JAZF1: variants seen among roughly 807,000 people sequenced by gnomAD.
JAZF1 encodes the protein juxtaposed with another zinc finger protein 1.
JAZF1 carries 8 observed loss-of-function variants against 26.4 expected under a neutral mutation model. The ratio of observed to expected loss-of-function variants is 0.30; its 90% CI spans 0.18 to 0.55. The LOEUF (loss-of-function observed/expected upper bound fraction) is 0.55, where lower values mean the gene tolerates loss of function less well. Ranked by LOEUF, JAZF1 falls within the 20% of genes least tolerant of loss-of-function variation. JAZF1 has a pLI of 0.94. For synonymous variants in JAZF1, 126 were observed against 122.3 expected (o/e 1.03, Z -0.20); for missense variants, 199 against 322.0 (o/e 0.62, Z 2.92).
At chr7:27,890,854 A>G (rs553356598) in intron 3 of JAZF1, among the ~76,000 whole-genome samples, 6 of 143,202 alleles carry the variant, frequency 4.2e-5, no homozygotes, top group African/African-American at 1.3e-4. Flanking sequence ...CAGTGGTGCA[A>G]TCTCGGCTCA....
At chr7:28,176,140 T>C (rs981011711) in intron 1 of JAZF1, among the ~76,000 whole-genome samples, 1 of 152,228 alleles carries the variant, frequency 6.6e-6, no homozygotes, top group Non-Finnish European at 1.5e-5. Context: ...AACCTGTTGA[T>C]ATTCGGGGTC....
chr7:27,898,285 T>A (rs1784104171), intron 2 of JAZF1, among the ~76,000 whole-genome samples: 1 of 23,738 alleles, frequency 4.2e-5, no homozygotes, highest in Non-Finnish European at 9.6e-5. Flanking sequence ...TACGTCTAAC[T>A]CATATATATA....
intron 2 of JAZF1, among the ~76,000 whole-genome samples, chr7:27,973,024 T>C (rs1785402886): frequency 6.6e-6 from 1 of 151,508 alleles, no homozygotes; most frequent in African/African-American, 2.4e-5. Context: ...ATTTAAAAAA[T>C]GTTACAACCA....
chr7:27,972,214 A>G (rs1290966629), intron 2 of JAZF1, among the ~76,000 whole-genome samples: 1 of 152,254 alleles, frequency 6.6e-6, no homozygotes, highest in African/African-American at 2.4e-5. Flanking sequence ...GTAAGGGCAC[A>G]GAGAGGGATG....
chr7:28,168,380 C>CAA (rs11301939), intron 1 of JAZF1, among the ~76,000 whole-genome samples: 897 of 70,562 alleles, frequency 0.013, 6 homozygotes, highest in African/African-American at 0.024. Context: ...GACTCCGTCT[C>CAA]AAAAAAAAAA....
chr7:27,916,450 C>T (rs115620665), intron 2 of JAZF1, among the ~76,000 whole-genome samples: 121 of 152,246 alleles, frequency 7.9e-4, no homozygotes, highest in African/African-American at 2.8e-3. Context: ...CAACATTTTC[C>T]TCAATGGACT....
intron 1 of JAZF1, among the ~76,000 whole-genome samples, chr7:28,006,906 T>C (rs112914067): frequency 0.014 from 2,063 of 150,842 alleles, 37 homozygotes; most frequent in Non-Finnish European, 0.021. Context: ...TAAATGAACA[T>C]GGATTTTTTA....
At chr7:28,118,141 G>A (rs1287934577) in intron 1 of JAZF1, 7 of 152,202 alleles carry the variant, frequency 4.6e-5, no homozygotes, top group Admixed American at 2.0e-4. Context: ...ATAAATGTGT[G>A]TGTCATCCTT....
chr7:27,988,409 C>G (rs1785781886), intron 2 of JAZF1, among the ~76,000 whole-genome samples: 1 of 151,330 alleles, frequency 6.6e-6, no homozygotes, highest in African/African-American at 2.4e-5. Flanking sequence ...GTGTCTCCCC[C>G]CATTACCCAG....
At chr7:27,989,702 A>C (rs890985520) in intron 2 of JAZF1, among the ~76,000 whole-genome samples, 1 of 152,256 alleles carries the variant, frequency 6.6e-6, no homozygotes, top group African/African-American at 2.4e-5. Flanking sequence ...ATCACTGGCC[A>C]TCAGAGAAAT....
intron 2 of JAZF1, among the ~76,000 whole-genome samples, chr7:27,920,559 A>T (rs1446870410): frequency 2.0e-5 from 3 of 152,194 alleles, no homozygotes; most frequent in African/African-American, 7.2e-5. Flanking sequence ...TCCTGACATC[A>T]GAAAAAACTT....
intron 1 of JAZF1, among the ~76,000 whole-genome samples, chr7:28,174,836 G>GTGTGTGTGTGTGTGTGTA (rs1783526257): frequency 8.2e-6 from 1 of 121,280 alleles, no homozygotes; most frequent in African/African-American, 2.6e-5. Context: ...GTGTGTGTGT[G>GTGTGTGTGTGTGTGTGTA]TGTGTGTGTG....
rs559029292 is a variant in JAZF1, at chr7:27,962,559, T to C, written c.188+29350A>G. 4.6e-5 allele frequency among the ~76,000 whole-genome samples: 7 copies of C among 152,330 alleles called. No individual in the cohort carries two copies. In the East Asian group the frequency reaches 1.3e-3, roughly 29 times the overall value. On this transcript the variant is annotated intron_variant, in intron 2 of 4. Coordinates refer to ENST00000283928, the MANE Select transcript of JAZF1 (RefSeq NM_175061.4). ...GCCAAAGGGATCAGTCCTTGTATTTTATAAATGGTGGATACAAGTTATATT... is the reference window on the plus strand; with the variant it reads ...GCCAAAGGGATCAGTCCTTGTATTTCATAAATGGTGGATACAAGTTATATT...
intron 1 of JAZF1, among the ~76,000 whole-genome samples, chr7:28,042,196 A>G (rs1783404335): frequency 6.6e-6 from 1 of 152,246 alleles, no homozygotes. Flanking sequence ...GCCAACTGTG[A>G]CAGAAAGAGG....
chr7:27,888,884 A>C (rs1439222932), intron 3 of JAZF1, among the ~76,000 whole-genome samples: 1 of 152,174 alleles, frequency 6.6e-6, no homozygotes, highest in Non-Finnish European at 1.5e-5. Flanking sequence ...TTCCAGGAGT[A>C]ACTATGCGAT....
chr7:27,957,973 G>A (rs1769059557), intron 2 of JAZF1, among the ~76,000 whole-genome samples: 1 of 152,144 alleles, frequency 6.6e-6, no homozygotes, highest in African/African-American at 2.4e-5. Flanking sequence ...AGAAATGAGG[G>A]AATAGGTCAT....
intron 2 of JAZF1, among the ~76,000 whole-genome samples, chr7:27,921,779 C>T (rs1209384022): frequency 6.6e-6 from 1 of 152,168 alleles, no homozygotes; most frequent in Non-Finnish European, 1.5e-5. Context: ...AGCCTGCAAT[C>T]CCAGTGCTTT....
At chr7:27,839,705 A>G (rs374663117) in intron 4 of JAZF1, among the ~76,000 whole-genome samples, 1 of 152,224 alleles carries the variant, frequency 6.6e-6, no homozygotes, top group Non-Finnish European at 1.5e-5. Context: ...TAGAAATGCT[A>G]ACTTTGTGAT....
At chr7:28,110,453 G>A (rs947689028) in intron 1 of JAZF1, among the ~76,000 whole-genome samples, 4 of 51,850 alleles carry the variant, frequency 7.7e-5, no homozygotes, top group Non-Finnish European at 1.1e-4. Flanking sequence ...AGAGAAAAAG[G>A]AAAGGAAAGG....
Sources: gnomAD v4.1 joint callset for allele counts (sites outside exome capture counted in the v4.1 genomes callset) on GRCh38, gnomAD v4.1.1 for gene constraint, MANE v1.5 for transcripts, NCBI Gene and HGNC (gene_info 2026-07-23, HGNC 2026-07-21) for gene names.